The following RSRC1 variants were observed in gnomAD, a reference collection of about 807,000 sequenced individuals.
The protein encoded by RSRC1 is serine/Arginine-related protein 53.
A neutral mutation model predicts 49.1 loss-of-function variants in RSRC1; 39 were observed. The ratio of observed to expected loss-of-function variants is 0.79; its 90% CI spans 0.61 to 1.04. RSRC1 has a LOEUF of 1.04. Among genes scored for constraint, RSRC1 ranks in the 50% least tolerant of loss-of-function variants. RSRC1 has a pLI of 0.00. For synonymous variants in RSRC1, 143 were observed against 130.8 expected (o/e 1.09, Z -0.63); for missense variants, 388 against 402.4 (o/e 0.96, Z 0.31).
rs1457542141 is a variant in RSRC1 at position 158,457,748 on chromosome 3, T to TG, written c.584-3187_584-3186insG. ...GTTTTGTGTTTTTTTTTGTTTTTTTTTTTTGTTTGTTTTTTAATATATATA... is the reference window on the plus strand; with the variant it reads ...GTTTTGTGTTTTTTTTTGTTTTTTTTGTTTTGTTTGTTTTTTAATATATATA... On this transcript the variant is annotated intron_variant, in intron 6 of 9. Transcript: ENST00000611884. Among the ~76,000 whole-genome samples, 342 of 134,442 alleles carry TG rather than the reference T, an allele frequency of 2.5e-3. 2 individuals are homozygous for TG. The highest frequency in any genetic ancestry group is 0.022 in the Middle Eastern group (6 of 270). The allele number at this position is 134,442 out of a possible 152,430, so 88.2% of individuals were successfully genotyped here.
intron 4 of RSRC1, among the ~76,000 whole-genome samples, chr3:158,297,737 G>C (rs985901452): frequency 8.6e-5 from 13 of 151,878 alleles, no homozygotes; most frequent in African/African-American, 3.1e-4. Context: ...TAATAGAAAA[G>C]CTAGTGTGAA....
At chr3:158,211,524 AAATTC>A (rs1292714694) in intron 4 of RSRC1, among the ~76,000 whole-genome samples, 1 of 151,938 alleles carries the variant, frequency 6.6e-6, no homozygotes, top group Admixed American at 6.6e-5. Context: ...CCACTGGACA[AAATTC>A]ATTTGCCTGT....
intron 4 of RSRC1, among the ~76,000 whole-genome samples, chr3:158,250,078 G>A (rs2108011596): frequency 1.3e-5 from 2 of 152,258 alleles, no homozygotes; most frequent in African/African-American, 4.8e-5. Flanking sequence ...TTGTCTTTCT[G>A]TGCTTGGCTT....
chr3:158,260,410 G>C (rs1724823514), intron 4 of RSRC1, among the ~76,000 whole-genome samples: 1 of 152,066 alleles, frequency 6.6e-6, no homozygotes, highest in Admixed American at 6.5e-5. Context: ...GGCCTATTCT[G>C]CTGTGGCCGA....
intron 4 of RSRC1, among the ~76,000 whole-genome samples, chr3:158,251,884 GTCT>G (rs1408235900): frequency 6.6e-6 from 1 of 152,110 alleles, no homozygotes; most frequent in Non-Finnish European, 1.5e-5. Context: ...GTGCATCCTT[GTCT>G]TCTTCCAGAT....
At chr3:158,118,158 G>C (rs561575134) in intron 1 of RSRC1, among the ~76,000 whole-genome samples, 5 of 151,892 alleles carry the variant, frequency 3.3e-5, no homozygotes, top group African/African-American at 1.2e-4. Flanking sequence ...CCATGTTGGC[G>C]GGGCTGGTCT....
At chr3:158,367,592 G>T (rs1005893390) in intron 6 of RSRC1, among the ~76,000 whole-genome samples, 1 of 152,068 alleles carries the variant, frequency 6.6e-6, no homozygotes, top group Non-Finnish European at 1.5e-5. Flanking sequence ...ATCCACTATG[G>T]CCTAAAATTT....
Position 158,513,575 on chromosome 3 carries a change from C to A in RSRC1, c.653-23517C>A, listed in dbSNP as rs1057273818. ...TCATCAAGGATATTGGCCTAAAATTCTCTTTTTTGGTTGTGTCTCTGCCCA... is the reference window on the plus strand; with the variant it reads ...TCATCAAGGATATTGGCCTAAAATTATCTTTTTTGGTTGTGTCTCTGCCCA... On this transcript the variant is annotated intron_variant, in intron 7 of 9. Coordinates refer to ENST00000611884, the MANE Select transcript of RSRC1 (RefSeq NM_001271838.2). Among the ~76,000 whole-genome samples, 205 of 152,222 alleles carry A rather than the reference C, an allele frequency of 1.3e-3. 2 individuals carry two copies. Among genetic ancestry groups the A allele is most frequent in the South Asian group, 5.8e-3 (28 of 4,822 alleles).
intron 5 of RSRC1, 89 bp from the exon 6 acceptor site, chr3:158,354,768 C>A: frequency 2.1e-6 from 2 of 941,016 alleles, no homozygotes; most frequent in South Asian, 1.6e-5. Context: ...CTAATATTTG[C>A]AAACAAATGC....
intron 7 of RSRC1, among the ~76,000 whole-genome samples, chr3:158,467,387 T>TAGTC: frequency 6.6e-6 from 1 of 152,350 alleles, no homozygotes; most frequent in East Asian, 1.9e-4. Flanking sequence ...TGACCTTAGG[T>TAGTC]AGTCCCTTTG....
chr3:158,196,507 G>A lies in RSRC1; in HGVS notation c.321-6565G>A, dbSNP rs570553490. Reference sequence around the variant, plus strand: ...TACCCTTTATTTCCTTCTCCTGCCTGATTGCCCTGGCCAGAACTTCTAACA... The same window carrying A: ...TACCCTTTATTTCCTTCTCCTGCCTAATTGCCCTGGCCAGAACTTCTAACA... On this transcript the variant is annotated intron_variant, in intron 3 of 9. Coordinates refer to ENST00000611884, the MANE Select transcript of RSRC1 (RefSeq NM_001271838.2). 3.1e-3 allele frequency among the ~76,000 whole-genome samples: 467 copies of A among 152,186 alleles called. 2 individuals carry two copies. Among genetic ancestry groups the A allele is most frequent in the African/African-American group, 0.011 (445 of 41,522 alleles).
intron 4 of RSRC1, among the ~76,000 whole-genome samples, chr3:158,217,557 T>C (rs1722014341): frequency 6.6e-6 from 1 of 151,684 alleles, no homozygotes; most frequent in African/African-American, 2.4e-5. Context: ...TTAATTATCC[T>C]GAGGATTCTC....
At chr3:158,176,724 A>G (rs929236624) in intron 3 of RSRC1, among the ~76,000 whole-genome samples, 1 of 152,242 alleles carries the variant, frequency 6.6e-6, no homozygotes, top group Non-Finnish European at 1.5e-5. Flanking sequence ...ACCATTCAGG[A>G]TATAGGCATG....
At chr3:158,516,130 ATT>A (rs1740513244) in intron 7 of RSRC1, among the ~76,000 whole-genome samples, 2 of 152,056 alleles carry the variant, frequency 1.3e-5, no homozygotes, top group Non-Finnish European at 2.9e-5. Context: ...GCTTTGTTCC[ATT>A]GCTGGTGAGG....
chr3:158,492,473 A>G (rs1340073320), intron 7 of RSRC1, among the ~76,000 whole-genome samples: 3 of 152,178 alleles, frequency 2.0e-5, no homozygotes, highest in Non-Finnish European at 4.4e-5. Flanking sequence ...TAGTTACAGA[A>G]TGTTCTCTGG....
chr3:158,276,098 G>A, intron 4 of RSRC1: 2 of 890,702 alleles, frequency 2.2e-6, no homozygotes, highest in South Asian at 1.3e-5. Context: ...GCCCCACAGT[G>A]GCGTCCAGCT....
intron 7 of RSRC1, 125 bp downstream of exon 7, chr3:158,461,128 C>G: frequency 1.9e-6 from 1 of 523,838 alleles, no homozygotes; most frequent in Non-Finnish European, 3.4e-6. Context: ...AAAACTATGA[C>G]ACAATAGCAC....
At chr3:158,334,685 G>GTGTGTA (rs1281577331) in intron 5 of RSRC1, among the ~76,000 whole-genome samples, 1 of 147,442 alleles carries the variant, frequency 6.8e-6, no homozygotes, top group East Asian at 2.0e-4. Context: ...GTGTGTGTGT[G>GTGTGTA]TATGTGTTGT....
chr3:158,525,722 A>G lies in RSRC1; in HGVS notation c.653-11370A>G, dbSNP rs1229015710. ...ATTCATATAATAGAATTCTACTAGC[A>G]TTACCACAGATGTACCCAACAACAT... On this transcript the variant is annotated intron_variant, in intron 7 of 9. Coordinates refer to ENST00000611884, the MANE Select transcript of RSRC1 (RefSeq NM_001271838.2). Among the ~76,000 whole-genome samples the G allele has an allele frequency of 2.6e-5, 4 of 152,142 alleles. No homozygotes were observed. The East Asian group carries it at 5.8e-4, about 22-fold the overall frequency.
Sources: allele counts gnomAD v4.1 joint callset (sites outside exome capture counted in the v4.1 genomes callset), GRCh38; gene constraint gnomAD v4.1.1; transcripts MANE v1.5; gene names NCBI Gene and HGNC (gene_info 2026-07-23, HGNC 2026-07-21).